Variants in RAB7A observed in about 807,000 individuals in gnomAD.
The protein encoded by RAB7A is ras-related protein Rab-7a.
Under a neutral mutation model 24.5 loss-of-function variants are expected in RAB7A, and 2 were observed. The ratio of observed to expected loss-of-function variants is 0.08; its 90% CI spans 0.03 to 0.26. The LOEUF (loss-of-function observed/expected upper bound fraction) is 0.26. Among genes scored for constraint, RAB7A ranks in the 10% least tolerant of loss-of-function variants. RAB7A has a pLI of 1.00. For synonymous variants in RAB7A, 100 were observed against 95.9 expected, an observed-to-expected ratio of 1.04 and a Z score of -0.25; for missense variants, 118 against 255.7, an observed-to-expected ratio of 0.46 and a Z score of 3.67.
At chr3:128,795,445 A>ACAC (rs1347572648) in intron 2 of RAB7A, 25 bp downstream of exon 2, 1 of 1,599,238 alleles carries the variant, frequency 6.3e-7, no homozygotes, top group South Asian at 1.1e-5. Flanking sequence ...AATTTGAGCT[A>ACAC]ACAGATTGGC....
At chr3:128,806,922 C>G (rs1429409795) in intron 4 of RAB7A, among the ~76,000 whole-genome samples, 1 of 152,260 alleles carries the variant, frequency 6.6e-6, no homozygotes, top group Non-Finnish European at 1.5e-5. Context: ...GCCTGGATCT[C>G]CATGTGTGCA....
rs149761281 is a variant in RAB7A at position 128,751,892 on chromosome 3, G to C, written c.-9+25533G>C. 4.6e-5 allele frequency among the ~76,000 whole-genome samples: 7 copies of C among 152,296 alleles called. No homozygotes were observed. The East Asian group carries it at 1.3e-3, about 29-fold the overall frequency. On this transcript the variant is annotated intron_variant, in intron 1 of 5. Coordinates refer to ENST00000265062, the MANE Select transcript of RAB7A (RefSeq NM_004637.6). ...TCTTTTCCATGCTGTTCTCGAGTTA[G>C]GGAATAAGTCTTACGAGATCTGATG...
In RAB7A at chr3:128,813,078, T is replaced by C. The variant is rs111804884; in HGVS notation, c.529-249T>C. ...TTGCTCAGTGCAGACTGCTGCTTCT[T>C]CTGGCAAGACTCCTCTCTTCACATT... On this transcript the variant is annotated intron_variant, in intron 5 of 5. Coordinates refer to ENST00000265062, the MANE Select transcript of RAB7A (RefSeq NM_004637.6). Among the ~76,000 whole-genome samples, 1,895 of 152,358 alleles carry C rather than the reference T, an allele frequency of 0.012. 33 individuals carry two copies. Among genetic ancestry groups the C allele is most frequent in the African/African-American group, 0.041 (1,702 of 41,590 alleles).
intron 1 of RAB7A, among the ~76,000 whole-genome samples, chr3:128,778,581 T>C (rs958374418): frequency 6.6e-6 from 1 of 152,240 alleles, no homozygotes; most frequent in African/African-American, 2.4e-5. Flanking sequence ...ATGAGTATTA[T>C]TCAGAACTTC....
intron 5 of RAB7A, among the ~76,000 whole-genome samples, chr3:128,809,290 T>C (rs909317274): frequency 6.6e-6 from 1 of 152,218 alleles, no homozygotes; most frequent in African/African-American, 2.4e-5. Flanking sequence ...GGAATAACAT[T>C]TCAGCAATGT....
At chr3:128,760,151 G>A (rs1339281842) in intron 1 of RAB7A, among the ~76,000 whole-genome samples, 1 of 152,300 alleles carries the variant, frequency 6.6e-6, no homozygotes, top group East Asian at 1.9e-4. Flanking sequence ...CCCAGCGTGG[G>A]TGAGCTTCAT....
chr3:128,770,005 CTT>C (rs766245243), intron 1 of RAB7A, among the ~76,000 whole-genome samples: 19 of 140,718 alleles, frequency 1.4e-4, no homozygotes, highest in Admixed American at 2.2e-4. Context: ...TTCCTTTTTT[CTT>C]TTTTTTTTTT....
At chr3:128,747,909 A>G (rs2070635093) in intron 1 of RAB7A, among the ~76,000 whole-genome samples, 1 of 151,736 alleles carries the variant, frequency 6.6e-6, no homozygotes, top group African/African-American at 2.4e-5. Flanking sequence ...TTGGGATTGC[A>G]GGCACGTGCC....
chr3:128,751,495 G>A (rs1054206120), intron 1 of RAB7A, among the ~76,000 whole-genome samples: 1 of 152,160 alleles, frequency 6.6e-6, no homozygotes, highest in Non-Finnish European at 1.5e-5. Flanking sequence ...GACTTGGATG[G>A]GGCCTGTAGC....
At chr3:128,742,147 C>T (rs966363334) in intron 1 of RAB7A, among the ~76,000 whole-genome samples, 1 of 152,098 alleles carries the variant, frequency 6.6e-6, no homozygotes, top group Non-Finnish European at 1.5e-5. Flanking sequence ...AGCTGCAGAC[C>T]TCCACGGTGA....
intron 1 of RAB7A, among the ~76,000 whole-genome samples, chr3:128,775,756 T>A (rs1049792895): frequency 2.6e-5 from 4 of 152,186 alleles, no homozygotes; most frequent in South Asian, 2.1e-4. Context: ...TTTTTTAACT[T>A]GACAAGTAAT....
intron 1 of RAB7A, among the ~76,000 whole-genome samples, chr3:128,787,481 C>A (rs1452629422): frequency 6.6e-6 from 1 of 152,160 alleles, no homozygotes; most frequent in Non-Finnish European, 1.5e-5. Context: ...AGAGCTGGTA[C>A]TGCAAAATGG....
chr3:128,747,492 A>G (rs558952258), intron 1 of RAB7A, among the ~76,000 whole-genome samples: 21 of 151,642 alleles, frequency 1.4e-4, no homozygotes, highest in Middle Eastern at 3.4e-3. Context: ...AGGCTGAGGC[A>G]GGAGAATTGC....
chr3:128,793,114 C>T (rs1933494072), intron 1 of RAB7A, among the ~76,000 whole-genome samples: 1 of 152,178 alleles, frequency 6.6e-6, no homozygotes, highest in Non-Finnish European at 1.5e-5. Context: ...ACCTCCACCT[C>T]CCGGGTTCAA....
chr3:128,772,208 T>C (rs1023683829), intron 1 of RAB7A, among the ~76,000 whole-genome samples: 4 of 152,320 alleles, frequency 2.6e-5, no homozygotes, highest in African/African-American at 9.6e-5. Context: ...TACTTATCCA[T>C]GGACAAGAGT....
intron 5 of RAB7A, among the ~76,000 whole-genome samples, chr3:128,811,951 T>C (rs1933936541): frequency 6.6e-6 from 1 of 152,076 alleles, no homozygotes; most frequent in Non-Finnish European, 1.5e-5. Context: ...AATAGGCAAC[T>C]CTATTGAGAC....
intron 1 of RAB7A, among the ~76,000 whole-genome samples, chr3:128,793,106 C>G (rs1269626244): frequency 2.6e-5 from 4 of 152,278 alleles, no homozygotes; most frequent in Non-Finnish European, 2.9e-5. Flanking sequence ...TCACTGCAAC[C>G]TCCACCTCCC....
intron 1 of RAB7A, among the ~76,000 whole-genome samples, chr3:128,786,869 G>A (rs911566336): frequency 2.6e-5 from 4 of 152,164 alleles, no homozygotes; most frequent in African/African-American, 9.7e-5. Flanking sequence ...TGAAAACAAT[G>A]CATACTTAGC....
intron 1 of RAB7A, among the ~76,000 whole-genome samples, chr3:128,738,896 A>G (rs2070521017): frequency 6.6e-6 from 1 of 152,260 alleles, no homozygotes; most frequent in Non-Finnish European, 1.5e-5. Context: ...GTAGGATTGT[A>G]GAAGCTTTCT....
Sources: allele counts gnomAD v4.1 joint callset (sites outside exome capture counted in the v4.1 genomes callset), GRCh38; gene constraint gnomAD v4.1.1; transcripts MANE v1.5; gene names NCBI Gene and HGNC (gene_info 2026-07-23, HGNC 2026-07-21).